Variants in FAM13C observed in about 807,000 individuals in gnomAD.
FAM13C encodes family with sequence similarity 13 member C.
A neutral mutation model predicts 73.2 loss-of-function variants in FAM13C; 37 were observed. That is an observed-to-expected ratio of 0.51 (90% confidence interval 0.39 to 0.67). The LOEUF is 0.67. Ranked by LOEUF, FAM13C falls within the 30% of genes least tolerant of loss-of-function variation. The pLI is 0.00. For missense variants in FAM13C, 589 were observed against 715.6 expected, an observed-to-expected ratio of 0.82 and a Z score of 2.02; for synonymous variants, 246 against 260.9, an observed-to-expected ratio of 0.94 and a Z score of 0.55.
chr10:59,351,064 G>A (rs978510549), intron 3 of FAM13C, among the ~76,000 whole-genome samples: 7 of 152,140 alleles, frequency 4.6e-5, no homozygotes, highest in South Asian at 2.1e-4. Flanking sequence ...AAGGCCAGGC[G>A]TGGTGGCTCA....
At chr10:59,298,874 A>T (rs991849751) in intron 5 of FAM13C, among the ~76,000 whole-genome samples, 1 of 152,210 alleles carries the variant, frequency 6.6e-6, no homozygotes, top group Non-Finnish European at 1.5e-5. Flanking sequence ...GAAAGGCCTC[A>T]ATACTGTAAG....
chr10:59,327,201 A>G (rs1385827949), intron 3 of FAM13C, among the ~76,000 whole-genome samples: 6 of 152,214 alleles, frequency 3.9e-5, no homozygotes, highest in Non-Finnish European at 8.8e-5. Context: ...GCCTTAGTTG[A>G]CCAGCTTTAA....
chr10:59,246,615 A>G lies in FAM13C; in HGVS notation c.*999T>C. On this transcript the variant is annotated 3_prime_UTR_variant, in exon 14 of 14. Transcript: ENST00000618804. ...CACAAAATGATATACACTGAAGTTG[A>G]TGAAGCAAATAAATATTCTGGCTTC... 2.5e-6 allele frequency: 1 copy of G among 397,774 alleles called. No homozygotes were observed. The highest frequency in any genetic ancestry group is 3.6e-5 in the East Asian group (1 of 27,852). The allele number at this position is 397,774 out of a possible 1,614,324, so 24.6% of individuals were successfully genotyped here. A position where few individuals can be genotyped will look rare whatever the true frequency, so the allele number is the denominator to read the frequency against.
chr10:59,304,147 CA>C, intron 4 of FAM13C, among the ~76,000 whole-genome samples: 1 of 151,984 alleles, frequency 6.6e-6, no homozygotes, highest in Non-Finnish European at 1.5e-5. Context: ...GACTCAGTCT[CA>C]AAAAAACAGA....
chr10:59,347,894 T>C (rs1199319934), intron 3 of FAM13C, among the ~76,000 whole-genome samples: 1 of 152,176 alleles, frequency 6.6e-6, no homozygotes, highest in Non-Finnish European at 1.5e-5. Flanking sequence ...CCATGGTGTA[T>C]ATGTGCCACA....
intron 3 of FAM13C, among the ~76,000 whole-genome samples, chr10:59,334,149 T>C (rs1744848437): frequency 6.6e-6 from 1 of 152,212 alleles, no homozygotes; most frequent in Non-Finnish European, 1.5e-5. Flanking sequence ...CCAGAAATGC[T>C]GACATGGATT....
chr10:59,359,926 A>T (rs1258798582), intron 1 of FAM13C, among the ~76,000 whole-genome samples: 4 of 152,250 alleles, frequency 2.6e-5, no homozygotes, highest in African/African-American at 9.6e-5. Context: ...TAGCTGGGGC[A>T]ATGTCACGAT....
chr10:59,283,669 C>T (rs966279720), intron 5 of FAM13C: 40 of 609,180 alleles, frequency 6.6e-5, no homozygotes, highest in African/African-American at 4.8e-4. Flanking sequence ...GAATCATATA[C>T]GCATCATTCC....
In FAM13C at chr10:59,291,977, G is replaced by A. The variant is rs550433603; in HGVS notation, c.508-8530C>T. Among the ~76,000 whole-genome samples the A allele has an allele frequency of 5.1e-3, 770 of 151,798 alleles. 6 individuals carry two copies. The highest frequency in any genetic ancestry group is 0.016 in the African/African-American group (643 of 41,406). On this transcript the variant is annotated intron_variant, in intron 5 of 13. Transcript: ENST00000618804. The stretch of plus-strand genomic sequence containing the variant: ...CGAATTTTTTATATTTTTAGTAGAG[G>A]CAGGGTTTCACCATATTAGCCAGGA...
At chr10:59,316,412 G>A (rs931669642) in intron 4 of FAM13C, among the ~76,000 whole-genome samples, 1 of 152,122 alleles carries the variant, frequency 6.6e-6, no homozygotes, top group Admixed American at 6.6e-5. Flanking sequence ...ATAAGTAACT[G>A]CAATATCAAA....
At chr10:59,263,156 T>G (rs1842689681) in intron 9 of FAM13C, among the ~76,000 whole-genome samples, 1 of 152,188 alleles carries the variant, frequency 6.6e-6, no homozygotes, top group Admixed American at 6.6e-5. Flanking sequence ...CTATTTTGTC[T>G]TATGATAGCT....
intron 10 of FAM13C, among the ~76,000 whole-genome samples, chr10:59,258,336 A>C (rs1343968648): frequency 6.6e-6 from 1 of 152,090 alleles, no homozygotes; most frequent in African/African-American, 2.4e-5. Context: ...TAAAATACTC[A>C]ACCAGGCATG....
intron 2 of FAM13C, among the ~76,000 whole-genome samples, chr10:59,354,094 C>A (rs925616920): frequency 6.6e-6 from 1 of 152,118 alleles, no homozygotes; most frequent in Admixed American, 6.5e-5. Flanking sequence ...TGCCCTCATT[C>A]GAGTAGGATT....
intron 3 of FAM13C, among the ~76,000 whole-genome samples, chr10:59,340,638 C>A (rs1017537074): frequency 6.6e-6 from 1 of 151,912 alleles, no homozygotes; most frequent in Admixed American, 6.6e-5. Flanking sequence ...GGGTTTGGTA[C>A]TTTTTTTCTC....
chr10:59,293,820 C>A (rs72808535), intron 5 of FAM13C, among the ~76,000 whole-genome samples: 42,307 of 152,090 alleles, frequency 0.28, 6,375 homozygotes, highest in South Asian at 0.37. Context: ...CTGTACCAGA[C>A]CCAAAGCTGG....
intron 5 of FAM13C, among the ~76,000 whole-genome samples, chr10:59,298,518 G>T (rs930561849): frequency 3.3e-5 from 5 of 152,132 alleles, no homozygotes; most frequent in Admixed American, 6.6e-5. Context: ...GTTGGGTTGG[G>T]TGAGTATAAT....
chr10:59,254,232 C>T lies in FAM13C; in HGVS notation c.1332+116G>A, dbSNP rs1841707287. 6.7e-6 allele frequency: 4 copies of T among 600,960 alleles called. No homozygotes were observed. The South Asian group carries it at 2.0e-4, about 29-fold the overall frequency. 37.2% of individuals were successfully genotyped at this position (600,960 alleles called of 1,614,324 possible). On this transcript the variant is annotated intron_variant, in intron 11 of 13. Transcript: ENST00000618804. ...TTTCACTTTTTGAAATGACAACTAG[C>T]CTTGTTTGCAGTATATACTGCCATG...
intron 3 of FAM13C, among the ~76,000 whole-genome samples, chr10:59,326,308 G>A (rs1175716348): frequency 1.3e-5 from 2 of 152,172 alleles, no homozygotes; most frequent in Admixed American, 1.3e-4. Context: ...ATGGGGAAAA[G>A]AGTGGCACTG....
chr10:59,361,880 T>C (rs939730146), intron 1 of FAM13C, among the ~76,000 whole-genome samples: 48 of 152,172 alleles, frequency 3.2e-4, no homozygotes, highest in Non-Finnish European at 2.9e-5. Context: ...GTCACATCTC[T>C]GTAGTCAGAA....
Sources: gnomAD v4.1 joint callset for allele counts (sites outside exome capture counted in the v4.1 genomes callset) on GRCh38, gnomAD v4.1.1 for gene constraint, MANE v1.5 for transcripts, NCBI Gene and HGNC (gene_info 2026-07-23, HGNC 2026-07-21) for gene names.